The following GRIN3A variants were observed in gnomAD, a reference collection of about 807,000 sequenced individuals.
The protein encoded by GRIN3A is glutamate ionotropic receptor NMDA type subunit 3A, also known as glutamate receptor ionotropic, NMDA 3A.
Under a neutral mutation model 92.4 loss-of-function variants are expected in GRIN3A, and 47 were observed. The ratio of observed to expected loss-of-function variants is 0.51; its 90% CI spans 0.40 to 0.65. The LOEUF is 0.65. Ranked by LOEUF, GRIN3A falls within the 30% of genes least tolerant of loss-of-function variation. The pLI is 0.00. For missense variants in GRIN3A, 1,324 were observed against 1,393.1 expected, an observed-to-expected ratio of 0.95 and a Z score of 0.79; for synonymous variants, 527 against 540.6, an observed-to-expected ratio of 0.97 and a Z score of 0.35.
At chr9:101,694,324 C>A (rs1422665463) in intron 1 of GRIN3A, among the ~76,000 whole-genome samples, 4 of 152,102 alleles carry the variant, frequency 2.6e-5, no homozygotes, top group African/African-American at 7.2e-5. Flanking sequence ...TGTCTTCAGG[C>A]AGAAGAAATA....
intron 6 of GRIN3A, among the ~76,000 whole-genome samples, chr9:101,589,985 T>C (rs182166863): frequency 5.8e-4 from 89 of 152,346 alleles, no homozygotes; most frequent in African/African-American, 1.8e-3. Context: ...CTGCATTTCT[T>C]TGTAGTAATT....
At chr9:101,578,652 G>A (rs1225353900) in intron 7 of GRIN3A, among the ~76,000 whole-genome samples, 4 of 152,198 alleles carry the variant, frequency 2.6e-5, no homozygotes, top group Non-Finnish European at 5.9e-5. Context: ...GTGTGCTTGA[G>A]TCACCAGTCT....
At chr9:101,614,298 G>A (rs1421200479) in intron 5 of GRIN3A, among the ~76,000 whole-genome samples, 1 of 152,148 alleles carries the variant, frequency 6.6e-6, no homozygotes, top group South Asian at 2.1e-4. Context: ...CATATCAGGA[G>A]ATACGTACAA....
chr9:101,678,909 T>A (rs1829433945), intron 2 of GRIN3A, among the ~76,000 whole-genome samples: 2 of 152,224 alleles, frequency 1.3e-5, no homozygotes, highest in Admixed American at 1.3e-4. Flanking sequence ...TACCCCTATA[T>A]CATTGTCCTT....
chr9:101,737,641 G>C lies in GRIN3A; in HGVS notation c.339C>G (p.Pro113=), dbSNP rs764756534. The C allele has an allele frequency of 6.2e-7, 1 of 1,609,718 alleles. No individual in the cohort carries two copies. The highest frequency in any genetic ancestry group is 8.5e-7 in the Non-Finnish European group (1 of 1,179,130). Residue 113 remains proline, a synonymous_variant, in exon 1 of 9, where the codon CCC becomes CCG. Coordinates refer to ENST00000361820, the MANE Select transcript of GRIN3A (RefSeq NM_133445.3). ...HGRGPPGSRK[P]GEGARAEALW... is the part of the protein sequence containing the mutation. Reference sequence around the variant, plus strand: ...GGGCCTCCGCCCTGGCGCCCTCCCCGGGCTTACGGGAGCCCGGCGGCCCCC... The same window carrying C: ...GGGCCTCCGCCCTGGCGCCCTCCCCCGGCTTACGGGAGCCCGGCGGCCCCC...
Position 101,738,132 on chromosome 9 carries a change from C to A in GRIN3A, c.-153G>T. 1 of 726,884 alleles carries A rather than the reference C, an allele frequency of 1.4e-6. No individual in the cohort carries two copies. The highest frequency in any genetic ancestry group is 2.4e-6 in the Non-Finnish European group (1 of 415,214). The allele number at this position is 726,884 out of a possible 1,614,324, so 45.0% of individuals were successfully genotyped here. On this transcript the variant is annotated 5_prime_UTR_variant, in exon 1 of 9. Transcript: ENST00000361820. ...GAGCTGGAGCGGTCTCTAGGCCATG[C>A]AAGTTGGAGCGTAGCGCGCCTCCGG...
In GRIN3A at chr9:101,670,592, G is replaced by A. The variant is rs1295344270; in HGVS notation, c.1820C>T (p.Ala607Val). 6.2e-7 allele frequency: 1 copy of A among 1,613,976 alleles called. No homozygotes were observed. Among genetic ancestry groups the A allele is most frequent in the Non-Finnish European group, 8.5e-7 (1 of 1,179,954 alleles). The change falls in exon 3 of 9, where the codon GCA (alanine) becomes GTA (valine). Residue 607 changes from alanine to valine, a missense_variant. Ala to Val is a moderately conservative substitution (Grantham distance 64, BLOSUM62 0). Transcript: ENST00000361820. ...CCCAGTCCAGTGCCCATTTTTCCAT[G>A]CTCCATACTTTCCATCCCCTACAAT... ...LYIVGDGKYGAWKNGHWTGLV... is the reference protein window; with the variant it reads ...LYIVGDGKYGVWKNGHWTGLV...
At chr9:101,713,909 T>G (rs1374820604) in intron 1 of GRIN3A, among the ~76,000 whole-genome samples, 1 of 151,988 alleles carries the variant, frequency 6.6e-6, no homozygotes, top group African/African-American at 2.4e-5. Flanking sequence ...AGCCCCCATC[T>G]CTACAAAACA....
Position 101,670,240 on chromosome 9 carries a change from A to G in GRIN3A, c.2172T>C (p.Tyr724=). 6.2e-7 allele frequency: 1 copy of G among 1,614,100 alleles called. No homozygotes were observed. The highest frequency in any genetic ancestry group is 1.1e-5 in the South Asian group (1 of 91,086). ...FSFSSALNIC[Y]ALLFGRTVAI... is the part of the protein sequence containing the mutation. The stretch of plus-strand genomic sequence containing the variant: ...CCACTGTTCTGCCAAACAAGAGGGC[A>G]TAACAGATGTTCAAGGCTGAAGAAA... Residue 724 remains tyrosine (Y), a synonymous_variant, in exon 3 of 9, where the codon TAT becomes TAC. Coordinates refer to ENST00000361820, the MANE Select transcript of GRIN3A (RefSeq NM_133445.3).
Position 101,612,907 on chromosome 9 carries a change from C to T in GRIN3A, c.2766+469G>A, listed in dbSNP as rs562093639. Reference sequence around the variant, plus strand: ...ATGACTCTGTAATCTAAGAAGTACTCGCTAAGGTATGTCTATTTTTCTACA... The same window carrying T: ...ATGACTCTGTAATCTAAGAAGTACTTGCTAAGGTATGTCTATTTTTCTACA... On this transcript the variant is annotated intron_variant, in intron 6 of 8. Coordinates refer to ENST00000361820, the MANE Select transcript of GRIN3A (RefSeq NM_133445.3). Among the ~76,000 whole-genome samples, 24 of 152,314 alleles carry T rather than the reference C, an allele frequency of 1.6e-4. No individual in the cohort carries two copies. In the East Asian group the frequency reaches 4.0e-3, roughly 26 times the overall value.
Position 101,670,118 on chromosome 9 carries a change from G to A in GRIN3A, c.2294C>T (p.Ala765Val). The A allele has an allele frequency of 1.2e-6, 2 of 1,613,804 alleles. No homozygotes were observed. Among genetic ancestry groups the A allele is most frequent in the Non-Finnish European group, 1.7e-6 (2 of 1,179,828 alleles). The part of the protein sequence containing the change: ...FCLSTYTANL[A>V]AVMVGEKIYE... ...GATCTTCTCACCTACCATGACAGCA[G>A]CCAAGTTTGCCGTGTATGTGGAAAG... The change falls in exon 3 of 9, where the codon GCT (alanine) becomes GTT (valine). Residue 765 changes from alanine (A) to valine (V), a missense_variant. Transcript: ENST00000361820.
intron 3 of GRIN3A, among the ~76,000 whole-genome samples, chr9:101,630,899 A>G (rs1828701698): frequency 6.6e-6 from 1 of 152,154 alleles, no homozygotes; most frequent in Non-Finnish European, 1.5e-5. Flanking sequence ...CAGGTAGTCT[A>G]TATCTGTTTG....
At chr9:101,591,683 A>C (rs1433409413) in intron 6 of GRIN3A, 1 of 152,260 alleles carries the variant, frequency 6.6e-6, no homozygotes, top group African/African-American at 2.4e-5. Context: ...GGCAACTGGC[A>C]ATTAACTGAC....
Position 101,642,169 on chromosome 9 carries a change from T to C in GRIN3A, c.2353-13768A>G, listed in dbSNP as rs576909807. Among the ~76,000 whole-genome samples the C allele has an allele frequency of 6.6e-5, 10 of 152,066 alleles. No individual in the cohort carries two copies. The South Asian group carries it at 2.1e-3, about 32-fold the overall frequency. ...ACAGAATAGAGAACCCCAAAATAAATCCATGCATATATGGTCAACTAATCT... is the reference window on the plus strand; with the variant it reads ...ACAGAATAGAGAACCCCAAAATAAACCCATGCATATATGGTCAACTAATCT... On this transcript the variant is annotated intron_variant, in intron 3 of 8. Transcript: ENST00000361820.
intron 3 of GRIN3A, among the ~76,000 whole-genome samples, chr9:101,634,249 C>T (rs1042818235): frequency 1.4e-5 from 2 of 145,666 alleles, no homozygotes; most frequent in Non-Finnish European, 3.0e-5. Flanking sequence ...AGGGGAATGG[C>T]GTGAACCCGG....
At position 101,686,958 on chromosome 9, in the gene GRIN3A, C is replaced by A. The variant is rs771458670; in HGVS notation, c.942G>T (p.Gln314His). 1.1e-5 allele frequency: 18 copies of A among 1,614,064 alleles called. No individual in the cohort carries two copies. The highest frequency in any genetic ancestry group is 1.1e-5 in the South Asian group (1 of 91,090). Residue 314 changes from glutamine (Q) to histidine (H), a missense_variant, in exon 2 of 9, where the codon CAG (glutamine) becomes CAT (histidine). Coordinates refer to ENST00000361820, the MANE Select transcript of GRIN3A (RefSeq NM_133445.3). The part of the protein sequence containing the change: ...TQDLLSFLQI[Q>H]LESIKNSTPT... Reference sequence around the variant, plus strand: ...GTGTGCTGTTCTTAATACTCTCAAGCTGGATCTGTAGGAAGCTCAAGAGGT... The same window carrying A: ...GTGTGCTGTTCTTAATACTCTCAAGATGGATCTGTAGGAAGCTCAAGAGGT...
At chr9:101,708,142 T>G (rs1829834208) in intron 1 of GRIN3A, among the ~76,000 whole-genome samples, 1 of 152,132 alleles carries the variant, frequency 6.6e-6, no homozygotes, top group African/African-American at 2.4e-5. Context: ...TTGCTGAGAA[T>G]AAAATATTTT....
chr9:101,636,944 G>A (rs12344234), intron 3 of GRIN3A, among the ~76,000 whole-genome samples: 2,082 of 152,096 alleles, frequency 0.014, 50 homozygotes, highest in African/African-American at 0.046. Context: ...TAAATATATC[G>A]GCTACATTTT....
chr9:101,685,308 CTT>C (rs35028586), intron 2 of GRIN3A, among the ~76,000 whole-genome samples: 5 of 115,224 alleles, frequency 4.3e-5, no homozygotes, highest in East Asian at 2.5e-4. Flanking sequence ...TTTATCATGT[CTT>C]TTTTTTTTTT....
Sources: gnomAD v4.1 joint callset for allele counts (sites outside exome capture counted in the v4.1 genomes callset) on GRCh38, gnomAD v4.1.1 for gene constraint, MANE v1.5 for transcripts, NCBI Gene and HGNC (gene_info 2026-07-23, HGNC 2026-07-21) for gene names.